Variants in PIPOX observed in about 807,000 individuals in gnomAD.
PIPOX encodes pipecolic acid and sarcosine oxidase.
A neutral mutation model predicts 47.9 loss-of-function variants in PIPOX; 45 were observed. The observed-to-expected ratio is 0.94, with a 90% CI of 0.74 to 1.20. The LOEUF (loss-of-function observed/expected upper bound fraction) is 1.20, where lower values mean the gene tolerates loss of function less well. PIPOX is among the 50% of genes most tolerant of loss of function. PIPOX has a pLI of 0.00. For synonymous variants in PIPOX, 165 were observed against 191.3 expected (o/e 0.86, Z 1.13); for missense variants, 458 against 498.4 (o/e 0.92, Z 0.77).
At chr17:29,046,379 G>A (rs890187271) in intron 2 of PIPOX, among the ~76,000 whole-genome samples, 3 of 152,166 alleles carry the variant, frequency 2.0e-5, no homozygotes, top group Non-Finnish European at 1.5e-5. Context: ...TCTTTCCGAG[G>A]GAGACGATTC....
At chr17:29,045,443 G>A (rs1456782766) in intron 2 of PIPOX, among the ~76,000 whole-genome samples, 4 of 101,198 alleles carry the variant, frequency 4.0e-5, no homozygotes, top group South Asian at 3.1e-4. Context: ...ACAGAGTCTC[G>A]CTTTTTTGTC....
intron 2 of PIPOX, among the ~76,000 whole-genome samples, chr17:29,051,221 G>C (rs115152639): frequency 8.5e-4 from 130 of 152,328 alleles, no homozygotes; most frequent in Middle Eastern, 6.8e-3. Flanking sequence ...TGAGAGCAGG[G>C]ATTTCCACTG....
intron 2 of PIPOX, among the ~76,000 whole-genome samples, chr17:29,045,452 T>C (rs1264801227): frequency 7.0e-6 from 1 of 142,034 alleles, no homozygotes; most frequent in Non-Finnish European, 1.5e-5. Context: ...CGCTTTTTTG[T>C]CAGGCTGGAG....
In PIPOX at chr17:29,052,941, G is replaced by C. The variant is rs904052118; in HGVS notation, c.285G>C (p.Leu95=). The change falls in exon 3 of 8, where the codon CTG becomes CTC. Residue 95 remains leucine, a synonymous_variant. Coordinates refer to ENST00000323372, the MANE Select transcript of PIPOX (RefSeq NM_016518.3). The stretch of plus-strand genomic sequence containing the variant: ...ACAGGCAGACTGGATTACTGCTGCT[G>C]GGAATGAAAGAGAATCAAGAATTAA... The part of the protein sequence containing the change: ...QLHRQTGLLL[L]GMKENQELKT... 2 of 1,614,060 alleles carry C rather than the reference G, an allele frequency of 1.2e-6. No homozygotes were observed. Among genetic ancestry groups the C allele is most frequent in the African/African-American group, 2.7e-5 (2 of 74,926 alleles).
chr17:29,053,257 T>C (rs1390745046), intron 3 of PIPOX, 124 bp downstream of exon 3: 1 of 1,226,264 alleles, frequency 8.2e-7, no homozygotes, highest in Non-Finnish European at 1.2e-6. Flanking sequence ...AGTCTTGACT[T>C]TTCCAGCAGG....
At position 29,053,021 on chromosome 17, in the gene PIPOX, C is replaced by T; in HGVS notation, c.365C>T (p.Ser122Phe). Residue 122 changes from serine to phenylalanine, a missense_variant, in exon 3 of 8, where the codon TCT becomes TTT. Physicochemically the swap from Ser to Phe is radical, Grantham distance 155. Coordinates refer to ENST00000323372, the MANE Select transcript of PIPOX (RefSeq NM_016518.3). ...AGGGTAGAACACCAGTGTCTTTCAT[C>T]TGAGGAACTGAAGCAACGTTTCCCA... is the stretch of plus-strand genomic sequence containing the variant. ...RQRVEHQCLS[S>F]EELKQRFPNI... The T allele has an allele frequency of 1.2e-6, 2 of 1,614,244 alleles. No homozygotes were observed. The highest frequency in any genetic ancestry group is 2.2e-5 in the South Asian group (2 of 91,086).
At chr17:29,053,334 C>A in intron 3 of PIPOX, 79 bp from the exon 4 acceptor site, 1 of 1,452,464 alleles carries the variant, frequency 6.9e-7, no homozygotes, top group Non-Finnish European at 9.5e-7. Context: ...TCTTTTCTGC[C>A]CCAGGCAAAA....
intron 4 of PIPOX, 147 bp from the exon 5 acceptor site, chr17:29,054,398 A>G (rs545047159): frequency 1.4e-4 from 106 of 760,660 alleles, no homozygotes; most frequent in Admixed American, 8.8e-4. Context: ...GGTAAACAAC[A>G]TGAGAAGTGG....
At chr17:29,051,863 C>G in intron 2 of PIPOX, 1 of 453,152 alleles carries the variant, frequency 2.2e-6, no homozygotes, top group African/African-American at 2.0e-5. Flanking sequence ...ATGTGAGAGG[C>G]AGCACCAGGC....
At chr17:29,046,852 G>A (rs2065787331) in intron 2 of PIPOX, 2 of 707,806 alleles carry the variant, frequency 2.8e-6, no homozygotes, top group Admixed American at 1.3e-4. Context: ...CCTCTGGTGA[G>A]ACTCAGCTTT....
At chr17:29,053,705 C>A (rs2065816331) in intron 4 of PIPOX, 110 bp downstream of exon 4, 2 of 682,818 alleles carry the variant, frequency 2.9e-6, no homozygotes, top group African/African-American at 3.6e-5. Context: ...ACCTTGGGCA[C>A]ATTCATTCAC....
In PIPOX at chr17:29,053,099, T is replaced by G. The variant is rs2065813031; in HGVS notation, c.443T>G (p.Val148Gly). 1.9e-6 allele frequency: 3 copies of G among 1,613,852 alleles called. No homozygotes were observed. ...EVGLLDNSGG[V>G]IYAYKALRAL... Reference sequence around the variant, plus strand: ...GGGCTCTTGGACAATTCCGGAGGAGTTATCTATGCATATAAGGCCCTCAGA... The same window carrying G: ...GGGCTCTTGGACAATTCCGGAGGAGGTATCTATGCATATAAGGCCCTCAGA... The change falls in exon 3 of 8, where the codon GTT (valine) becomes GGT (glycine). Residue 148 changes from valine to glycine, a missense_variant. Transcript: ENST00000323372.
intron 4 of PIPOX, 138 bp from the exon 5 acceptor site, chr17:29,054,406 TG>T: frequency 1.3e-6 from 1 of 793,040 alleles, no homozygotes; most frequent in Non-Finnish European, 2.1e-6. Flanking sequence ...ACATGAGAAG[TG>T]GGAGAGACAA....
At chr17:29,049,600 C>G (rs2065798125) in intron 2 of PIPOX, among the ~76,000 whole-genome samples, 1 of 152,224 alleles carries the variant, frequency 6.6e-6, no homozygotes, top group Non-Finnish European at 1.5e-5. Context: ...TTCCAATTCT[C>G]TAAGCATTTC....
In PIPOX at chr17:29,055,860, C is replaced by G. The variant is rs143566431; in HGVS notation, c.1014C>G (p.Asp338Glu). Residue 338 changes from aspartate (D) to glutamate (E), a missense_variant, in exon 7 of 8, where the codon GAC (aspartate) becomes GAG (glutamate). Transcript: ENST00000323372. ...QFILDRHPKY[D>E]NIVIGAGFSG... ...TTCTCGATCGCCACCCAAAGTATGA[C>G]AACATTGTCATTGGTGCTGGATTCT... The G allele has an allele frequency of 7.4e-6, 12 of 1,613,944 alleles. No homozygotes were observed. In the African/African-American group the frequency reaches 1.5e-4, roughly 20 times the overall value.
In PIPOX at chr17:29,053,439, AG is replaced by A; in HGVS notation, c.505del (p.Val169CysfsTer10). Reference protein sequence around the residue: ...QDAIRQLGGIVRDGEKVVEIN... With the variant: ...QDAIRQLGGIXRDGEKVVEIN... ...ATGCAATTCGACAGCTAGGAGGCAT[AG>A]TGCGTGACGGAGAGAAGGTGGTGGA... On this transcript the variant is annotated frameshift_variant, in exon 4 of 8. Coordinates refer to ENST00000323372, the MANE Select transcript of PIPOX (RefSeq NM_016518.3). LOFTEE classifies it high-confidence loss of function. 1 of 1,613,434 alleles carries A rather than the reference AG, an allele frequency of 6.2e-7. No homozygotes were observed. The highest frequency in any genetic ancestry group is 8.5e-7 in the Non-Finnish European group (1 of 1,179,492).
Position 29,055,237 on chromosome 17 carries a change from A to C in PIPOX, c.966+16A>C. 2 of 1,614,046 alleles carry C rather than the reference A, an allele frequency of 1.2e-6. No individual in the cohort carries two copies. Among genetic ancestry groups the C allele is most frequent in the Non-Finnish European group, 1.7e-6 (2 of 1,179,984 alleles). ...CATGTACACGGTAAGGGGTCTGGGC[A>C]GCCTTGCTGGGCCCCCTCACCACTC... On this transcript the variant is annotated intron_variant, in intron 6 of 7. Coordinates refer to ENST00000323372, the MANE Select transcript of PIPOX (RefSeq NM_016518.3).
chr17:29,053,199 G>A (rs1405464463), intron 3 of PIPOX, 66 bp downstream of exon 3: 1 of 1,478,890 alleles, frequency 6.8e-7, no homozygotes, highest in African/African-American at 1.4e-5. Context: ...GTCCCAAGCA[G>A]CCAGCCCAAG....
In PIPOX at chr17:29,054,530, T is replaced by A; in HGVS notation, c.661-15T>A. On this transcript the variant is annotated splice_polypyrimidine_tract_variant and intron_variant, in intron 4 of 7. Coordinates refer to ENST00000323372, the MANE Select transcript of PIPOX (RefSeq NM_016518.3). ...TGGCTTTTCTTCATTTCCCACTTCC[T>A]CTCCCTGCCTCAAGACCCTGCGGAT... The A allele has an allele frequency of 1.2e-6, 2 of 1,612,372 alleles. No individual in the cohort carries two copies. The highest frequency in any genetic ancestry group is 1.7e-6 in the Non-Finnish European group (2 of 1,178,574).
Sources: gnomAD v4.1 joint callset for allele counts (sites outside exome capture counted in the v4.1 genomes callset) on GRCh38, gnomAD v4.1.1 for gene constraint, MANE v1.5 for transcripts, NCBI Gene and HGNC (gene_info 2026-07-23, HGNC 2026-07-21) for gene names.